ODR4: variants seen among roughly 807,000 people sequenced by gnomAD.
ODR4 encodes odr-4 GPCR localization factor homolog.
Under a neutral mutation model 60.2 loss-of-function variants are expected in ODR4, and 47 were observed. The ratio of observed to expected loss-of-function variants is 0.78; its 90% CI spans 0.62 to 1.00. ODR4 has a LOEUF of 1.00. Among genes scored for constraint, ODR4 ranks in the 50% least tolerant of loss-of-function variants. ODR4 has a pLI of 0.00. For synonymous variants in ODR4, 178 were observed against 175.5 expected, an observed-to-expected ratio of 1.01 and a Z score of -0.11; for missense variants, 488 against 530.8, an observed-to-expected ratio of 0.92 and a Z score of 0.79.
At chr1:186,394,846 A>C (rs1660609239) in intron 9 of ODR4, among the ~76,000 whole-genome samples, 1 of 152,214 alleles carries the variant, frequency 6.6e-6, no homozygotes, top group South Asian at 2.1e-4. Context: ...TCATTTTTCA[A>C]TACCTTAGAG....
downstream of ODR4, among the ~76,000 whole-genome samples, chr1:186,425,293 C>T (rs566313503): frequency 3.3e-5 from 5 of 152,164 alleles, no homozygotes; most frequent in East Asian, 3.9e-4. Flanking sequence ...ACCCAGCCTA[C>T]GATGGTGAGT....
chr1:186,382,872 T>G (rs1660093240), intron 2 of ODR4, 150 bp from the exon 3 acceptor site: 1 of 712,682 alleles, frequency 1.4e-6, no homozygotes, highest in Admixed American at 3.6e-5. Context: ...TCCCTTTAGC[T>G]TCCATTATAA....
At chr1:186,383,222 T>A in intron 3 of ODR4, 66 bp downstream of exon 3, 3 of 1,470,930 alleles carry the variant, frequency 2.0e-6, no homozygotes, top group Non-Finnish European at 2.7e-6. Context: ...TCAAGAAGAT[T>A]TAGTGAATGA....
Position 186,419,280 on chromosome 1 carries a change from A to C in ODR4, c.*204A>C. The C allele has an allele frequency of 1.8e-6, 1 of 567,184 alleles. No individual in the cohort carries two copies. Among genetic ancestry groups the C allele is most frequent in the Non-Finnish European group, 3.1e-6 (1 of 318,646 alleles). 35.1% of individuals were successfully genotyped at this position (567,184 alleles called of 1,614,324 possible). A position where few individuals can be genotyped will look rare whatever the true frequency, so the allele number is the denominator to read the frequency against. On this transcript the variant is annotated 3_prime_UTR_variant, in exon 14 of 14. Transcript: ENST00000287859. ...TACATTGTAGGTGGCCCGCATTTCC[A>C]GAAATAACGTTATGCATCTAGATGG...
the ODR4 span, among the ~76,000 whole-genome samples, chr1:186,434,793 A>T: frequency 2.0e-5 from 3 of 152,184 alleles, no homozygotes; most frequent in South Asian, 2.1e-4. Context: ...GTTCAATTTC[A>T]TGTGTGATTA....
In ODR4 at chr1:186,379,109, A is replaced by G. The variant is rs1659915546; in HGVS notation, c.-19-658A>G. On this transcript the variant is annotated intron_variant, in intron 1 of 13. Coordinates refer to ENST00000287859, the MANE Select transcript of ODR4 (RefSeq NM_017847.6). Reference sequence around the variant, plus strand: ...GAACACCAAGACTTAGCAATAGAGTATCAAAGATAATACAACTAGGGAGTA... The same window carrying G: ...GAACACCAAGACTTAGCAATAGAGTGTCAAAGATAATACAACTAGGGAGTA... Among the ~76,000 whole-genome samples the G allele has an allele frequency of 3.3e-5, 5 of 152,362 alleles. No individual in the cohort carries two copies. In the South Asian group the frequency reaches 1.0e-3, roughly 32 times the overall value.
intron 11 of ODR4, chr1:186,401,193 T>A (rs1231192510): frequency 1.3e-6 from 2 of 1,574,400 alleles, no homozygotes; most frequent in Non-Finnish European, 1.7e-6. Context: ...TTTTTGCTGA[T>A]GTTCAATTAG....
intron 12 of ODR4, among the ~76,000 whole-genome samples, chr1:186,407,802 C>T (rs1558091182): frequency 6.6e-6 from 1 of 152,030 alleles, no homozygotes; most frequent in Non-Finnish European, 1.5e-5. Context: ...TTTCTTACCA[C>T]CTTGTTTGCT....
At chr1:186,379,704 A>G in intron 1 of ODR4, 63 bp from the exon 2 acceptor site, 2 of 862,746 alleles carry the variant, frequency 2.3e-6, no homozygotes, top group Non-Finnish European at 1.8e-6. Context: ...AACTACTCCC[A>G]TGATAAAGAC....
At chr1:186,387,425 A>T (rs1366887617) in intron 4 of ODR4, among the ~76,000 whole-genome samples, 3 of 152,182 alleles carry the variant, frequency 2.0e-5, no homozygotes, top group African/African-American at 7.2e-5. Flanking sequence ...AGGGGGTTGA[A>T]TGTGGGCCCA....
At chr1:186,386,261 T>C (rs1660245103) in intron 4 of ODR4, among the ~76,000 whole-genome samples, 178 bp downstream of exon 4, 1 of 152,158 alleles carries the variant, frequency 6.6e-6, no homozygotes, top group Admixed American at 6.5e-5. Flanking sequence ...GTGTAAAAAA[T>C]GTTTATATTT....
At chr1:186,431,650 T>C in the ODR4 span, among the ~76,000 whole-genome samples, 1 of 152,104 alleles carries the variant, frequency 6.6e-6, no homozygotes, top group Non-Finnish European at 1.5e-5. Context: ...AGAAGAATAA[T>C]CTGGGGTAAG....
chr1:186,419,405 A>G lies in ODR4; in HGVS notation c.*329A>G. 3.5e-6 allele frequency: 1 copy of G among 283,144 alleles called. No homozygotes were observed. Among genetic ancestry groups the G allele is most frequent in the East Asian group, 8.2e-5 (1 of 12,160 alleles). 17.5% of individuals were successfully genotyped at this position (283,144 alleles called of 1,614,324 possible). The stretch of plus-strand genomic sequence containing the variant: ...TCTTACTAATCTGAATCACATATTA[A>G]TCAGGACATTAAAAACTTTAACAGA... On this transcript the variant is annotated 3_prime_UTR_variant, in exon 14 of 14. Transcript: ENST00000287859.
chr1:186,383,755 T>TA (rs1660135455), intron 3 of ODR4, among the ~76,000 whole-genome samples: 2 of 134,660 alleles, frequency 1.5e-5, no homozygotes, highest in Non-Finnish European at 3.4e-5. Flanking sequence ...GTAGTTATAT[T>TA]TAAAAAAAAA....
chr1:186,422,295 C>T (rs1400217164), downstream of ODR4, among the ~76,000 whole-genome samples: 2 of 152,068 alleles, frequency 1.3e-5, no homozygotes, highest in East Asian at 1.9e-4. Context: ...TAATAATTTT[C>T]AGTGTGCATT....
At chr1:186,413,269 A>C (rs1661439442) in intron 12 of ODR4, among the ~76,000 whole-genome samples, 1 of 152,048 alleles carries the variant, frequency 6.6e-6, no homozygotes, top group African/African-American at 2.4e-5. Context: ...GTATAATGCA[A>C]ATAATCCAAA....
intron 9 of ODR4, among the ~76,000 whole-genome samples, chr1:186,395,980 A>G (rs1660655128): frequency 6.6e-6 from 1 of 152,100 alleles, no homozygotes; most frequent in Non-Finnish European, 1.5e-5. Context: ...TATTTTCTAG[A>G]TGTATGCTTG....
intron 11 of ODR4, among the ~76,000 whole-genome samples, chr1:186,400,294 CA>C (rs1660885900): frequency 6.6e-6 from 1 of 150,752 alleles, no homozygotes; most frequent in South Asian, 2.1e-4. Flanking sequence ...CCGGCCTCCC[CA>C]TTCTTATTAT....
chr1:186,401,100 A>G lies in ODR4; in HGVS notation c.1000+2056A>G, dbSNP rs561654201. ...GATTTACCTTAGCAGACACATTAGT[A>G]TACTCTTCTATTTAAAAATCCTTTA... is the stretch of plus-strand genomic sequence containing the variant. On this transcript the variant is annotated intron_variant, in intron 11 of 13. Transcript: ENST00000287859. 3 of 1,595,050 alleles carry G rather than the reference A, an allele frequency of 1.9e-6. No homozygotes were observed. Among genetic ancestry groups the G allele is most frequent in the African/African-American group, 2.7e-5 (2 of 74,676 alleles).
Sources: gnomAD v4.1 joint callset for allele counts (sites outside exome capture counted in the v4.1 genomes callset) on GRCh38, gnomAD v4.1.1 for gene constraint, MANE v1.5 for transcripts, NCBI Gene and HGNC (gene_info 2026-07-23, HGNC 2026-07-21) for gene names.